The following NEMP2 variants were observed in gnomAD, a reference collection of about 807,000 sequenced individuals.
NEMP2 encodes UPF0571 transmembrane protein.
Under a neutral mutation model 54.2 loss-of-function variants are expected in NEMP2, and 53 were observed. The observed-to-expected ratio is 0.98, with a 90% CI of 0.78 to 1.23. The LOEUF (loss-of-function observed/expected upper bound fraction) is 1.23. Among genes scored for constraint, NEMP2 ranks in the 50% most tolerant of loss-of-function variants. The pLI, the probability that NEMP2 is intolerant of heterozygous loss-of-function variation, is 0.00. For missense variants in NEMP2, 455 were observed against 511.3 expected (o/e 0.89, Z 1.06); for synonymous variants, 197 against 190.3 (o/e 1.04, Z -0.29).
chr2:190,518,072 C>T (rs900609845), intron 4 of NEMP2, among the ~76,000 whole-genome samples: 2 of 152,144 alleles, frequency 1.3e-5, no homozygotes, highest in Admixed American at 1.3e-4. Context: ...ATTAAACACA[C>T]TTGGTAATAC....
In NEMP2 at chr2:190,506,535, A is replaced by G. The variant is rs1574284827; in HGVS notation, c.*2654T>C. Reference sequence around the variant, plus strand: ...AAATCTAAATATATGAAATTTCCAGATTTTTTTAAAAAGTCATAAATTGAA... The same window carrying G: ...AAATCTAAATATATGAAATTTCCAGGTTTTTTTAAAAAGTCATAAATTGAA... On this transcript the variant is annotated 3_prime_UTR_variant, in exon 9 of 9. Coordinates refer to ENST00000409150, the MANE Select transcript of NEMP2 (RefSeq NM_001142645.2). This position sits in a 1 kb window ranked among gnomAD's most constrained non-coding sequence, Gnocchi z 6.3. The G allele has an allele frequency of 6.6e-6, 1 of 152,164 alleles. No homozygotes were observed. Among genetic ancestry groups the G allele is most frequent in the East Asian group, 1.9e-4 (1 of 5,198 alleles). The allele number at this position is 152,164 out of a possible 1,614,324, so 9.4% of individuals were successfully genotyped here. A position where few individuals can be genotyped will look rare whatever the true frequency, so the allele number is the denominator to read the frequency against.
At position 190,523,221 on chromosome 2, in the gene NEMP2, G is replaced by A; in HGVS notation, c.213+2042C>T. Among the ~76,000 whole-genome samples the A allele has an allele frequency of 6.6e-6, 1 of 152,058 alleles. No individual in the cohort carries two copies. The highest frequency in any genetic ancestry group is 1.9e-4 in the East Asian group (1 of 5,202). On this transcript the variant is annotated intron_variant, in intron 2 of 8. Transcript: ENST00000409150. This position sits in a 1 kb window ranked among gnomAD's most constrained non-coding sequence, Gnocchi z 5.3. ...AACCAGACTGAAGGGGGAGTGGATT[G>A]GGATGAATTAACCTAAAATACACAA... is the stretch of plus-strand genomic sequence containing the variant.
rs1242670163 is a variant in NEMP2, at chr2:190,518,995, A to G, written c.402T>C (p.Pro134=). The part of the protein sequence containing the change: ...YRETVCFSVE[P]VKKIFNYMIH... ...TCATATAGTTAAATATCTTCTTGAC[A>G]GGCTCCACAGAGAAGCACACAGTCT... Residue 134 remains proline (P), a synonymous_variant, in exon 3 of 9, where the codon CCT becomes CCC. Coordinates refer to ENST00000409150, the MANE Select transcript of NEMP2 (RefSeq NM_001142645.2). 1.9e-6 allele frequency: 3 copies of G among 1,551,254 alleles called. No individual in the cohort carries two copies. The highest frequency in any genetic ancestry group is 2.6e-6 in the Non-Finnish European group (3 of 1,146,916).
rs1691101295 is a variant in NEMP2, at chr2:190,530,367, A to C, written c.97+4192T>G. On this transcript the variant is annotated intron_variant, in intron 1 of 8. Coordinates refer to ENST00000409150, the MANE Select transcript of NEMP2 (RefSeq NM_001142645.2). The surrounding 1 kb of genome is among the most constrained non-coding windows in gnomAD (Gnocchi z 4.6). Reference sequence around the variant, plus strand: ...CCTCTGGCTGCCCTTTTTTCTTATCACCTCTCTCCCGAGGTGAATGAGTCT... The same window carrying C: ...CCTCTGGCTGCCCTTTTTTCTTATCCCCTCTCTCCCGAGGTGAATGAGTCT... Among the ~76,000 whole-genome samples, 1 of 151,616 alleles carries C rather than the reference A, an allele frequency of 6.6e-6. No homozygotes were observed. Among genetic ancestry groups the C allele is most frequent in the African/African-American group, 2.4e-5 (1 of 41,192 alleles).
the NEMP2 span, chr2:190,609,623 C>G: frequency 6.6e-6 from 1 of 152,160 alleles, no homozygotes; most frequent in Non-Finnish European, 1.5e-5. This position sits in a 1 kb window ranked among gnomAD's most constrained non-coding sequence, Gnocchi z 4.7. Flanking sequence ...TTTAACCTAG[C>G]TACTCAGTCA....
chr2:190,588,832 T>A, the NEMP2 span, among the ~76,000 whole-genome samples: 1 of 152,170 alleles, frequency 6.6e-6, no homozygotes. This position sits in a 1 kb window ranked among gnomAD's most constrained non-coding sequence, Gnocchi z 5.0. Context: ...AGGTGGCTGA[T>A]AAACTCTGAC....
chr2:190,631,172 G>A, the NEMP2 span, among the ~76,000 whole-genome samples: 1 of 152,216 alleles, frequency 6.6e-6, no homozygotes, highest in Non-Finnish European at 1.5e-5. Flanking sequence ...GATGTTGTAT[G>A]AGACTTGCAG....
At chr2:190,440,322 T>C in the NEMP2 span, among the ~76,000 whole-genome samples, 12 of 152,212 alleles carry the variant, frequency 7.9e-5, no homozygotes, top group African/African-American at 2.9e-4. Context: ...CACACACACA[T>C]AGAGTATCTG....
chr2:190,462,505 C>T, the NEMP2 span, among the ~76,000 whole-genome samples: 10 of 152,260 alleles, frequency 6.6e-5, no homozygotes, highest in African/African-American at 2.4e-4. The surrounding 1 kb of genome is among the most constrained non-coding windows in gnomAD (Gnocchi z 5.7). Context: ...GTTATGGATT[C>T]ATGGAGTGCC....
At chr2:190,576,983 A>G in the NEMP2 span, among the ~76,000 whole-genome samples, 1 of 152,130 alleles carries the variant, frequency 6.6e-6, no homozygotes. Context: ...CTGTTTATTC[A>G]CCAGGTACAA....
the NEMP2 span, among the ~76,000 whole-genome samples, chr2:190,430,716 T>C: frequency 8.4e-6 from 1 of 118,386 alleles, no homozygotes; most frequent in Non-Finnish European, 1.8e-5. Context: ...CAATGAGCTG[T>C]TGGGTACACT....
chr2:190,473,413 CA>C, the NEMP2 span, among the ~76,000 whole-genome samples: 2 of 151,690 alleles, frequency 1.3e-5, no homozygotes, highest in East Asian at 1.9e-4. Context: ...AAATGGAAAA[CA>C]AAAAAAGGCA....
At chr2:190,518,844 AT>A (rs1311438460) in intron 3 of NEMP2, 36 bp from the exon 4 acceptor site, 2 of 1,524,704 alleles carry the variant, frequency 1.3e-6, no homozygotes, top group Non-Finnish European at 1.8e-6. Context: ...CATAACAAAG[AT>A]TTTTTATCAA....
the NEMP2 span, among the ~76,000 whole-genome samples, chr2:190,466,323 C>G: frequency 5.3e-5 from 8 of 152,138 alleles, no homozygotes; most frequent in Non-Finnish European, 1.0e-4. Flanking sequence ...TTTAAATATC[C>G]TATTCTGATA....
chr2:190,525,965 G>A lies in NEMP2; in HGVS notation c.98-587C>T, dbSNP rs535484705. ...AAAGCAGAGCATTGGAGGATTTTAG[G>A]TAAGTATCAGTCTCAGCAAGAAACT... On this transcript the variant is annotated intron_variant, in intron 1 of 8. Transcript: ENST00000409150. The surrounding 1 kb of genome is among the most constrained non-coding windows in gnomAD (Gnocchi z 5.0). 1.6e-4 allele frequency among the ~76,000 whole-genome samples: 25 copies of A among 152,246 alleles called. No homozygotes were observed. The highest frequency in any genetic ancestry group is 6.0e-4 in the African/African-American group (25 of 41,542).
the NEMP2 span, chr2:190,620,218 C>T: frequency 1.3e-5 from 2 of 152,162 alleles, no homozygotes; most frequent in African/African-American, 4.8e-5. This position sits in a 1 kb window ranked among gnomAD's most constrained non-coding sequence, Gnocchi z 4.9. Flanking sequence ...TTTTATATAA[C>T]AGGCATGGCA....
At chr2:190,583,169 T>C in the NEMP2 span, among the ~76,000 whole-genome samples, 1 of 152,084 alleles carries the variant, frequency 6.6e-6, no homozygotes, top group South Asian at 2.1e-4. Flanking sequence ...GCCTTAACGA[T>C]TTTTAAAAAC....
chr2:190,489,749 G>A, the NEMP2 span: 10 of 1,607,342 alleles, frequency 6.2e-6, no homozygotes, highest in African/African-American at 1.2e-4. This position sits in a 1 kb window ranked among gnomAD's most constrained non-coding sequence, Gnocchi z 6.6. Context: ...ACTCTATAGA[G>A]TGCTGTTTGT....
the NEMP2 span, among the ~76,000 whole-genome samples, chr2:190,484,638 C>G: frequency 2.0e-5 from 3 of 152,128 alleles, no homozygotes; most frequent in Admixed American, 1.3e-4. Context: ...ATTAAGATTA[C>G]TAGAAAGTTG....
Sources: allele counts gnomAD v4.1 joint callset (sites outside exome capture counted in the v4.1 genomes callset), GRCh38; gene constraint gnomAD v4.1.1; non-coding constraint Gnocchi (gnomAD v3.1); transcripts MANE v1.5; gene names NCBI Gene and HGNC (gene_info 2026-07-23, HGNC 2026-07-21).